The following ANO4 variants were observed in gnomAD, a reference collection of about 807,000 sequenced individuals.
The protein encoded by ANO4 is anoctamin-4.
ANO4 carries 69 observed loss-of-function variants against 141.9 expected under a neutral mutation model. The ratio of observed to expected loss-of-function variants is 0.49; its 90% CI spans 0.40 to 0.59. The LOEUF (loss-of-function observed/expected upper bound fraction) is 0.59. Among genes scored for constraint, ANO4 ranks in the 20% least tolerant of loss-of-function variants. ANO4 has a pLI of 0.00. For missense variants in ANO4, 894 were observed against 1,162.2 expected, an observed-to-expected ratio of 0.77 and a Z score of 3.36; for synonymous variants, 350 against 394.3, an observed-to-expected ratio of 0.89 and a Z score of 1.33.
At chr12:101,064,669 A>T (rs201533089) in intron 14 of ANO4, among the ~76,000 whole-genome samples, 20 of 80,108 alleles carry the variant, frequency 2.5e-4, no homozygotes, top group South Asian at 3.6e-4. Flanking sequence ...GTATTATAAT[A>T]ATAATAATAA....
At position 101,034,736 on chromosome 12, in the gene ANO4, A is replaced by G. The variant is rs114585257; in HGVS notation, c.842-2359A>G. On this transcript the variant is annotated intron_variant, in intron 9 of 27. Transcript: ENST00000392977. ...AGAACACTCAAAACTCAGTGAATCCAAAAATCTTATTGAGCATAAGATATG... is the reference window on the plus strand; with the variant it reads ...AGAACACTCAAAACTCAGTGAATCCGAAAATCTTATTGAGCATAAGATATG... Among the ~76,000 whole-genome samples the G allele has an allele frequency of 7.9e-3, 1,204 of 152,360 alleles. 22 individuals carry two copies. Among genetic ancestry groups the G allele is most frequent in the African/African-American group, 0.027 (1,117 of 41,582 alleles).
intron 22 of ANO4, among the ~76,000 whole-genome samples, chr12:101,107,956 A>G (rs1432987280): frequency 6.6e-6 from 1 of 152,144 alleles, no homozygotes; most frequent in Non-Finnish European, 1.5e-5. Context: ...AATGGTTCTG[A>G]AGGCTAAGCT....
At chr12:100,955,815 C>T (rs764404991) in intron 5 of ANO4, among the ~76,000 whole-genome samples, 24 of 152,120 alleles carry the variant, frequency 1.6e-4, no homozygotes, top group Non-Finnish European at 2.9e-4. Context: ...TTCACCAAGT[C>T]AGAAAGTAGA....
intron 1 of ANO4, among the ~76,000 whole-genome samples, chr12:100,871,858 G>A (rs1188292950): frequency 1.3e-5 from 2 of 152,134 alleles, no homozygotes; most frequent in Non-Finnish European, 2.9e-5. Context: ...CCTCCCAAAG[G>A]TCCTACCTCC....
At chr12:100,793,378 C>T (rs906185792), upstream of ANO4, among the ~76,000 whole-genome samples, 9 of 152,172 alleles carry the variant, frequency 5.9e-5, no homozygotes, top group African/African-American at 2.2e-4. Flanking sequence ...TGGCCTTCTG[C>T]TGTGACTCAT....
At chr12:100,873,938 A>G (rs1358399507) in intron 1 of ANO4, among the ~76,000 whole-genome samples, 4 of 152,210 alleles carry the variant, frequency 2.6e-5, no homozygotes, top group Admixed American at 6.5e-5. Context: ...GCGCTACCTC[A>G]GGACACTGCT....
intron 1 of ANO4, among the ~76,000 whole-genome samples, chr12:100,882,438 C>T (rs10860652): frequency 0.18 from 27,704 of 152,052 alleles, 2,969 homozygotes; most frequent in Middle Eastern, 0.29. Flanking sequence ...ATCTCTATTT[C>T]GTAGATAAGA....
At chr12:100,803,773 T>G (rs1395680218) in intron 1 of ANO4, among the ~76,000 whole-genome samples, 3 of 152,072 alleles carry the variant, frequency 2.0e-5, no homozygotes, top group East Asian at 1.9e-4. Context: ...ACCTCAGAGT[T>G]GTTATGAGTG....
chr12:100,778,821 C>A (rs1330335905), intron 3 of ANO4, among the ~76,000 whole-genome samples: 1 of 152,144 alleles, frequency 6.6e-6, no homozygotes, highest in Non-Finnish European at 1.5e-5. Context: ...CAGTGAACAC[C>A]CGCCACGTAG....
At chr12:100,723,509 A>G (rs1482378159) in intron 1 of ANO4, among the ~76,000 whole-genome samples, 1 of 152,202 alleles carries the variant, frequency 6.6e-6, no homozygotes, top group Non-Finnish European at 1.5e-5. Context: ...CCTCATGAAC[A>G]AGAAGATAGA....
At position 101,043,528 on chromosome 12, in the gene ANO4, C is replaced by G. The variant is rs752727178; in HGVS notation, c.1155-11C>G. ...TCATCAAAAAGCAGTCCTTTCTGTTCTCTTTTCCAGTAAAGAAGTCTGCCA... is the reference window on the plus strand; with the variant it reads ...TCATCAAAAAGCAGTCCTTTCTGTTGTCTTTTCCAGTAAAGAAGTCTGCCA... On this transcript the variant is annotated splice_polypyrimidine_tract_variant and intron_variant, in intron 12 of 27. Transcript: ENST00000392977. The G allele has an allele frequency of 4.4e-6, 7 of 1,600,398 alleles. No homozygotes were observed. The Admixed American group carries it at 1.2e-4, about 27-fold the overall frequency.
chr12:101,022,621 CA>C (rs1478334465), intron 9 of ANO4, among the ~76,000 whole-genome samples: 3 of 152,168 alleles, frequency 2.0e-5, no homozygotes, highest in Non-Finnish European at 4.4e-5. Context: ...TACTAGAAAG[CA>C]AGTGAGTGAA....
At chr12:100,730,294 A>T (rs2031327802) in intron 1 of ANO4, among the ~76,000 whole-genome samples, 1 of 151,212 alleles carries the variant, frequency 6.6e-6, no homozygotes, top group Non-Finnish European at 1.5e-5. Flanking sequence ...TTATTTTTTT[A>T]AACCGTACCT....
At chr12:101,007,717 G>GT (rs1359161011) in intron 8 of ANO4, among the ~76,000 whole-genome samples, 1 of 152,106 alleles carries the variant, frequency 6.6e-6, no homozygotes, top group Non-Finnish European at 1.5e-5. Context: ...AGAACTCAGA[G>GT]TTTTGTTTTT....
chr12:101,058,098 A>T (rs2136709743), intron 14 of ANO4, among the ~76,000 whole-genome samples: 1 of 152,312 alleles, frequency 6.6e-6, no homozygotes, highest in Non-Finnish European at 1.5e-5. Flanking sequence ...CAGTTTTCCC[A>T]ACACCATTTA....
chr12:100,840,658 T>C (rs1218829945), intron 1 of ANO4, among the ~76,000 whole-genome samples: 2 of 152,170 alleles, frequency 1.3e-5, no homozygotes, highest in African/African-American at 2.4e-5. Context: ...TCACAGTCCC[T>C]CAGACATGTG....
At chr12:101,105,647 A>C (rs1253576853) in intron 22 of ANO4, among the ~76,000 whole-genome samples, 1 of 152,232 alleles carries the variant, frequency 6.6e-6, no homozygotes, top group African/African-American at 2.4e-5. Flanking sequence ...AAGATGATTC[A>C]GAAATTGGGT....
intron 2 of ANO4, among the ~76,000 whole-genome samples, chr12:100,904,368 T>C (rs1156885867): frequency 7.5e-6 from 1 of 133,194 alleles, no homozygotes; most frequent in Admixed American, 7.4e-5. Context: ...TAACATATAG[T>C]GTTTAGGGAA....
chr12:101,024,958 G>C (rs569077234), intron 9 of ANO4, among the ~76,000 whole-genome samples: 1 of 152,280 alleles, frequency 6.6e-6, no homozygotes, highest in Admixed American at 6.5e-5. Flanking sequence ...TTCCAGTTAG[G>C]CTAAACCTCT....
Sources: gnomAD v4.1 joint callset for allele counts (sites outside exome capture counted in the v4.1 genomes callset) on GRCh38, gnomAD v4.1.1 for gene constraint, MANE v1.5 for transcripts, NCBI Gene and HGNC (gene_info 2026-07-23, HGNC 2026-07-21) for gene names.